Variants in PTPRK observed in about 807,000 individuals in gnomAD.
PTPRK encodes protein tyrosine phosphatase receptor type K, also known as receptor-type tyrosine-protein phosphatase kappa.
Under a neutral mutation model 178.0 loss-of-function variants are expected in PTPRK, and 75 were observed. The observed-to-expected ratio is 0.42, with a 90% CI of 0.35 to 0.51. The LOEUF is 0.51. Ranked by LOEUF, PTPRK falls within the 20% of genes least tolerant of loss-of-function variation. The pLI is 0.02. For missense variants in PTPRK, 1,441 were observed against 1,797.8 expected, an observed-to-expected ratio of 0.80 and a Z score of 3.59; for synonymous variants, 637 against 620.6, an observed-to-expected ratio of 1.03 and a Z score of -0.39.
rs1014150654 is a variant in PTPRK at position 128,222,375 on chromosome 6, C to T, written c.694-3279G>A. On this transcript the variant is annotated intron_variant, in intron 5 of 29. Coordinates refer to ENST00000368226, the MANE Select transcript of PTPRK (RefSeq NM_002844.4). Reference sequence around the variant, plus strand: ...GTTCCTAACTTGAAGACAACTCTTCCACTTTCCCACTCAATCACCTCTCAA... The same window carrying T: ...GTTCCTAACTTGAAGACAACTCTTCTACTTTCCCACTCAATCACCTCTCAA... Among the ~76,000 whole-genome samples the T allele has an allele frequency of 2.6e-5, 4 of 152,198 alleles. No individual in the cohort carries two copies. In the East Asian group the frequency reaches 7.7e-4, roughly 29 times the overall value.
At chr6:128,148,209 A>G (rs1411796414) in intron 7 of PTPRK, among the ~76,000 whole-genome samples, 1 of 152,126 alleles carries the variant, frequency 6.6e-6, no homozygotes, top group Non-Finnish European at 1.5e-5. Flanking sequence ...ATCATGGTAG[A>G]AGAATCAGAG....
At chr6:128,503,829 T>C (rs1855903722) in intron 1 of PTPRK, among the ~76,000 whole-genome samples, 2 of 148,440 alleles carry the variant, frequency 1.3e-5, no homozygotes, top group African/African-American at 5.1e-5. Context: ...TGCACCACTA[T>C]GCCTGGTTAT....
At chr6:128,009,530 G>C (rs893798559) in intron 13 of PTPRK, among the ~76,000 whole-genome samples, 9 of 150,996 alleles carry the variant, frequency 6.0e-5, no homozygotes, top group Non-Finnish European at 1.3e-4. Flanking sequence ...TGATGAACTA[G>C]TTTTCCCCAA....
intron 7 of PTPRK, among the ~76,000 whole-genome samples, chr6:128,132,335 C>T (rs1202712778): frequency 2.0e-5 from 3 of 152,136 alleles, no homozygotes; most frequent in African/African-American, 7.2e-5. Flanking sequence ...CCACCTCGCC[C>T]GGCTAATTTT....
chr6:128,274,004 T>C (rs960627210), intron 3 of PTPRK, among the ~76,000 whole-genome samples: 4 of 152,150 alleles, frequency 2.6e-5, no homozygotes, highest in African/African-American at 7.2e-5. Context: ...AATTTATTAA[T>C]ATGGTAAGAG....
chr6:128,017,798 ATGTG>A (rs1398617531), intron 13 of PTPRK, among the ~76,000 whole-genome samples: 1 of 68,996 alleles, frequency 1.4e-5, no homozygotes, highest in Non-Finnish European at 2.6e-5. Flanking sequence ...ATAAATATAT[ATGTG>A]TATATATATA....
intron 13 of PTPRK, among the ~76,000 whole-genome samples, chr6:128,053,944 C>G (rs897595380): frequency 7.9e-5 from 12 of 152,178 alleles, no homozygotes; most frequent in African/African-American, 2.7e-4. Context: ...CAGCTTGTTT[C>G]TTCACCTCTA....
At chr6:128,038,284 T>C (rs1307791317) in intron 13 of PTPRK, among the ~76,000 whole-genome samples, 2 of 152,192 alleles carry the variant, frequency 1.3e-5, no homozygotes, top group Non-Finnish European at 2.9e-5. Context: ...CTGTCATTCT[T>C]CAAAGCATTA....
At chr6:127,970,563 T>C (rs2114595846) in intron 29 of PTPRK, among the ~76,000 whole-genome samples, 1 of 152,198 alleles carries the variant, frequency 6.6e-6, no homozygotes, top group African/African-American at 2.4e-5. Context: ...ATAATAGTAA[T>C]ATTTGATCAT....
chr6:128,170,090 T>G (rs993530175), intron 7 of PTPRK, among the ~76,000 whole-genome samples: 1 of 152,140 alleles, frequency 6.6e-6, no homozygotes, highest in East Asian at 1.9e-4. Context: ...TCCTAAATTA[T>G]TAGTTGGACT....
At chr6:128,386,987 G>A (rs1446343481) in intron 2 of PTPRK, among the ~76,000 whole-genome samples, 4 of 152,176 alleles carry the variant, frequency 2.6e-5, no homozygotes, top group Admixed American at 6.5e-5. Flanking sequence ...AGAATCGGTT[G>A]AACCCAGGAG....
chr6:128,257,627 T>G (rs1768358), intron 3 of PTPRK, among the ~76,000 whole-genome samples: 10,667 of 152,146 alleles, frequency 0.07, 1,023 homozygotes, highest in African/African-American at 0.22. Flanking sequence ...GAAAACAAAT[T>G]TGTGTATGTA....
chr6:128,198,922 GAACA>G (rs1423245274), intron 6 of PTPRK, among the ~76,000 whole-genome samples: 2 of 152,192 alleles, frequency 1.3e-5, no homozygotes, highest in Non-Finnish European at 2.9e-5. Context: ...ATGCACTTAT[GAACA>G]AATAAAAGTA....
chr6:128,436,059 T>C (rs1303007653), intron 1 of PTPRK, among the ~76,000 whole-genome samples: 1 of 151,398 alleles, frequency 6.6e-6, no homozygotes, highest in African/African-American at 2.4e-5. Context: ...GAGTCCCAGG[T>C]AAAGCAACAA....
intron 6 of PTPRK, among the ~76,000 whole-genome samples, chr6:128,206,743 T>C (rs1176727898): frequency 1.3e-5 from 2 of 152,154 alleles, no homozygotes; most frequent in African/African-American, 4.8e-5. Flanking sequence ...AATTCAATTA[T>C]AATTGCTGTG....
chr6:128,200,755 C>T lies in PTPRK; in HGVS notation c.869-16030G>A, dbSNP rs964662218. Among the ~76,000 whole-genome samples, 6 of 144,106 alleles carry T rather than the reference C, an allele frequency of 4.2e-5. No homozygotes were observed. The Admixed American group carries it at 4.4e-4, about 10-fold the overall frequency. 94.5% of individuals were successfully genotyped at this position (144,106 alleles called of 152,430 possible). On this transcript the variant is annotated intron_variant, in intron 6 of 29. Transcript: ENST00000368226. ...AGTTTTCTAATGCTATTTTATCAAG[C>T]TGAAAATGAGAAGTCAATGGAGTGG...
chr6:128,387,055 G>A (rs944287135), intron 2 of PTPRK, among the ~76,000 whole-genome samples: 14 of 152,106 alleles, frequency 9.2e-5, no homozygotes, highest in East Asian at 1.9e-4. Flanking sequence ...GTGACACAGC[G>A]AGACTCTGTC....
chr6:128,232,980 C>A (rs938971105), intron 5 of PTPRK, among the ~76,000 whole-genome samples: 2 of 152,220 alleles, frequency 1.3e-5, no homozygotes, highest in African/African-American at 2.4e-5. Flanking sequence ...AACCTCCTCT[C>A]AAAATAGTTT....
chr6:128,207,429 G>A (rs1335681257), intron 6 of PTPRK, among the ~76,000 whole-genome samples: 1 of 152,098 alleles, frequency 6.6e-6, no homozygotes, highest in Non-Finnish European at 1.5e-5. Context: ...AAAATCAGAC[G>A]TACAGAATTC....
Sources: gnomAD v4.1 joint callset for allele counts (sites outside exome capture counted in the v4.1 genomes callset) on GRCh38, gnomAD v4.1.1 for gene constraint, MANE v1.5 for transcripts, NCBI Gene and HGNC (gene_info 2026-07-23, HGNC 2026-07-21) for gene names.